The following DPP6 variants were observed in gnomAD, a reference collection of about 807,000 sequenced individuals.
DPP6 encodes A-type potassium channel modulatory protein DPP6.
In DPP6, 69 loss-of-function variants were observed where a neutral mutation model predicts 122.6. That is an observed-to-expected ratio of 0.56 (90% CI 0.46 to 0.69). The LOEUF is 0.69. Ranked by LOEUF, DPP6 falls within the 30% of genes least tolerant of loss-of-function variation. DPP6 has a pLI of 0.00. For missense variants in DPP6, 928 were observed against 1,116.9 expected (o/e 0.83, Z 2.41); for synonymous variants, 418 against 433.1 (o/e 0.97, Z 0.43).
intron 6 of DPP6, among the ~76,000 whole-genome samples, chr7:154,668,356 G>T (rs1164682409): frequency 1.3e-5 from 2 of 150,210 alleles, no homozygotes; most frequent in Non-Finnish European, 3.0e-5. Context: ...AAGTAGCTGG[G>T]ACTACAGGCA....
At chr7:153,822,398 C>T in the DPP6 span, among the ~76,000 whole-genome samples, 2 of 151,998 alleles carry the variant, frequency 1.3e-5, no homozygotes, top group Non-Finnish European at 2.9e-5. Flanking sequence ...ACTATGTTAA[C>T]CAGACTAGTC....
chr7:154,806,135 T>C (rs951508493), intron 15 of DPP6, among the ~76,000 whole-genome samples: 1 of 152,198 alleles, frequency 6.6e-6, no homozygotes, highest in African/African-American at 2.4e-5. Context: ...GAAATACACA[T>C]GTCACCAATT....
chr7:153,955,731 G>A (rs529668860), intron 1 of DPP6, among the ~76,000 whole-genome samples: 2 of 152,252 alleles, frequency 1.3e-5, no homozygotes, highest in East Asian at 1.9e-4. Flanking sequence ...GAGTCACTGC[G>A]CCCGGCCCGT....
rs184048956 is a variant in DPP6 at position 154,412,934 on chromosome 7, G to A, written c.244-33280G>A. On this transcript the variant is annotated intron_variant, in intron 1 of 25. Coordinates refer to ENST00000377770, the MANE Select transcript of DPP6 (RefSeq NM_130797.4). ...GGTGTCTCACAAAGCCTCCTCATGAGAAACACCTTTCTTAGGGAAATACCT... is the reference window on the plus strand; with the variant it reads ...GGTGTCTCACAAAGCCTCCTCATGAAAAACACCTTTCTTAGGGAAATACCT... Among the ~76,000 whole-genome samples the A allele has an allele frequency of 2.8e-3, 433 of 152,324 alleles. 9 individuals carry two copies. The highest frequency in any genetic ancestry group is 0.025 in the Admixed American group (386 of 15,306).
upstream of DPP6, among the ~76,000 whole-genome samples, chr7:154,051,720 C>T (rs1403992968): frequency 1.3e-5 from 2 of 151,108 alleles, no homozygotes; most frequent in South Asian, 2.1e-4. Flanking sequence ...GCCGGGCTCT[C>T]TGCGGGGCGC....
At chr7:154,333,889 A>T (rs1480926765) in intron 1 of DPP6, among the ~76,000 whole-genome samples, 1 of 152,216 alleles carries the variant, frequency 6.6e-6, no homozygotes, top group Non-Finnish European at 1.5e-5. Context: ...TCATGGACAA[A>T]ACTGGAAAAA....
chr7:154,433,136 GTTTTTTTTTTTTTT>G lies in DPP6; in HGVS notation c.244-13064_244-13051del, dbSNP rs548053204. ...TAATGGCTCTCATACTAGACTGCAA[GTTTTTTTTTTTTTT>G]TTTTTTTTTTTTTGAGACAGAGTCT... is the stretch of plus-strand genomic sequence containing the variant. On this transcript the variant is annotated intron_variant, in intron 1 of 25. Coordinates refer to ENST00000377770, the MANE Select transcript of DPP6 (RefSeq NM_130797.4). Among the ~76,000 whole-genome samples the G allele has an allele frequency of 1.5e-3, 105 of 72,350 alleles. 2 individuals are homozygous for G. The South Asian group carries it at 0.031, about 22-fold the overall frequency. 47.5% of individuals were successfully genotyped at this position (72,350 alleles called of 152,430 possible).
At chr7:154,797,357 ATG>A (rs927059371) in intron 12 of DPP6, among the ~76,000 whole-genome samples, 63 of 152,082 alleles carry the variant, frequency 4.1e-4, no homozygotes, top group African/African-American at 1.4e-3. Flanking sequence ...ATACATATGT[ATG>A]TGTGTGTGTT....
intron 1 of DPP6, among the ~76,000 whole-genome samples, chr7:153,938,578 A>T (rs1187802282): frequency 6.6e-6 from 1 of 152,232 alleles, no homozygotes; most frequent in Non-Finnish European, 1.5e-5. Flanking sequence ...AAGATTGCTA[A>T]TGCGTTCATT....
intron 1 of DPP6, among the ~76,000 whole-genome samples, chr7:154,104,071 G>A (rs910274396): frequency 1.3e-5 from 2 of 152,200 alleles, no homozygotes; most frequent in African/African-American, 2.4e-5. Context: ...CCACAGATCT[G>A]TCCCTCTGGA....
chr7:153,874,393 T>C, the DPP6 span, among the ~76,000 whole-genome samples: 1 of 152,278 alleles, frequency 6.6e-6, no homozygotes, highest in African/African-American at 2.4e-5. Flanking sequence ...TATTTATTTT[T>C]GAGAGGGAGT....
chr7:154,247,451 C>T (rs528582685), intron 1 of DPP6, among the ~76,000 whole-genome samples: 2 of 152,244 alleles, frequency 1.3e-5, no homozygotes, highest in East Asian at 1.9e-4. Context: ...CTTGAACAGG[C>T]ACTTTACCAA....
At chr7:154,443,356 GA>G (rs11304026) in intron 1 of DPP6, among the ~76,000 whole-genome samples, 28,773 of 148,824 alleles carry the variant, frequency 0.19, 3,830 homozygotes, top group African/African-American at 0.39. Context: ...GAAAAAAAAT[GA>G]AAAAAAAAAT....
intron 1 of DPP6, among the ~76,000 whole-genome samples, chr7:154,433,825 A>G (rs1017218268): frequency 1.3e-5 from 2 of 152,178 alleles, no homozygotes; most frequent in Admixed American, 6.5e-5. Flanking sequence ...GCGTTTCCTT[A>G]CAGGTCCAAC....
chr7:153,980,499 C>T (rs1447101738), intron 1 of DPP6, among the ~76,000 whole-genome samples: 1 of 152,088 alleles, frequency 6.6e-6, no homozygotes, highest in Non-Finnish European at 1.5e-5. Flanking sequence ...AAAAAACCAG[C>T]TCCTGGATTC....
At chr7:154,867,360 G>A (rs1803972303) in intron 17 of DPP6, among the ~76,000 whole-genome samples, 1 of 152,184 alleles carries the variant, frequency 6.6e-6, no homozygotes, top group Admixed American at 6.5e-5. Flanking sequence ...CAAAGGTCCA[G>A]CGCATCCACA....
chr7:154,768,737 G>A (rs770931522), intron 8 of DPP6, among the ~76,000 whole-genome samples: 1 of 152,226 alleles, frequency 6.6e-6, no homozygotes, highest in South Asian at 2.1e-4. Context: ...GGGTGTTTCT[G>A]GTTGAAGCCC....
chr7:154,809,259 A>G (rs1454577617), intron 16 of DPP6, among the ~76,000 whole-genome samples: 1 of 151,976 alleles, frequency 6.6e-6, no homozygotes, highest in Non-Finnish European at 1.5e-5. Flanking sequence ...TTTTTAAAAA[A>G]AAAAAAGAAG....
At chr7:154,842,236 A>C (rs1412631046) in intron 16 of DPP6, among the ~76,000 whole-genome samples, 1 of 152,246 alleles carries the variant, frequency 6.6e-6, no homozygotes, top group Non-Finnish European at 1.5e-5. Flanking sequence ...CAGTGGTGCC[A>C]GCCAGGCTGT....
Sources: allele counts gnomAD v4.1 joint callset (sites outside exome capture counted in the v4.1 genomes callset), GRCh38; gene constraint gnomAD v4.1.1; transcripts MANE v1.5; gene names NCBI Gene and HGNC (gene_info 2026-07-23, HGNC 2026-07-21).